ABAT: variants seen among roughly 807,000 people sequenced by gnomAD.
ABAT encodes the protein 4-aminobutyrate aminotransferase.
A neutral mutation model predicts 64.6 loss-of-function variants in ABAT; 45 were observed. That is an observed-to-expected ratio of 0.70 (90% CI 0.55 to 0.89). ABAT has a LOEUF of 0.89. Ranked by LOEUF, ABAT falls within the 40% of genes least tolerant of loss-of-function variation. ABAT has a pLI of 0.00. For synonymous variants in ABAT, 297 were observed against 250.5 expected (o/e 1.19, Z -1.75); for missense variants, 633 against 658.4 (o/e 0.96, Z 0.42).
At chr16:8,723,505 T>C (rs895141194) in intron 1 of ABAT, among the ~76,000 whole-genome samples, 5 of 152,168 alleles carry the variant, frequency 3.3e-5, no homozygotes, top group African/African-American at 1.2e-4. Context: ...GCCTCTTTCC[T>C]TGGCAACTCC....
chr16:8,737,991 G>GGAAGGAAGAAAGAAAGAAA lies in ABAT; in HGVS notation c.70+2185_70+2186insGGAAGAAAGAAAGAAAGAA. Among the ~76,000 whole-genome samples, 114 of 14,952 alleles carry GGAAGGAAGAAAGAAAGAAA rather than the reference G, an allele frequency of 7.6e-3. 27 individuals carry two copies. The highest frequency in any genetic ancestry group is 0.016 in the South Asian group (6 of 384). 9.8% of individuals were successfully genotyped at this position (14,952 alleles called of 152,430 possible). Reference sequence around the variant, plus strand: ...AAGGAAGGAAGGAAGGAAGGAAGGAGGAAAGAAAGAAAGAAAGAAAGAAAG... The same window carrying GGAAGGAAGAAAGAAAGAAA: ...AAGGAAGGAAGGAAGGAAGGAAGGAGGAAGGAAGAAAGAAAGAAAGAAAGAAAGAAAGAAAGAAAGAAAG... On this transcript the variant is annotated intron_variant, in intron 2 of 15. Transcript: ENST00000268251.
rs1354340639 is a variant in ABAT, at chr16:8,783,909, A to C, written c.*2479A>C. The C allele has an allele frequency of 6.6e-6, 1 of 152,210 alleles. No homozygotes were observed. The highest frequency in any genetic ancestry group is 1.5e-5 in the Non-Finnish European group (1 of 68,032). 9.4% of individuals were successfully genotyped at this position (152,210 alleles called of 1,614,324 possible). ...ACCAAGGGAAGTTACTTCTTGTAAA[A>C]ACTTTTAAGCCATTTATCAACAAGT... On this transcript the variant is annotated 3_prime_UTR_variant, in exon 16 of 16. Transcript: ENST00000268251.
chr16:8,700,366 C>T (rs529582121), intron 1 of ABAT, among the ~76,000 whole-genome samples: 20 of 152,132 alleles, frequency 1.3e-4, no homozygotes, highest in Non-Finnish European at 2.1e-4. Context: ...AACTTACATA[C>T]GCGGCTCCAT....
chr16:8,746,246 C>T (rs2059325414), intron 3 of ABAT, 148 bp downstream of exon 3: 11 of 719,968 alleles, frequency 1.5e-5, no homozygotes, highest in South Asian at 1.5e-4. Flanking sequence ...TCAATGAGGC[C>T]ATTTTGCCAT....
chr16:8,735,257 T>G (rs1199353069), intron 1 of ABAT, among the ~76,000 whole-genome samples: 1 of 151,408 alleles, frequency 6.6e-6, no homozygotes, highest in African/African-American at 2.4e-5. Context: ...TTTGTTTTGG[T>G]TTGGTTTTTT....
intron 1 of ABAT, among the ~76,000 whole-genome samples, chr16:8,732,538 G>A (rs2058759956): frequency 6.6e-6 from 1 of 151,536 alleles, no homozygotes; most frequent in Non-Finnish European, 1.5e-5. Flanking sequence ...GGGGTTGGGG[G>A]TAAGGTCACA....
chr16:8,748,053 C>G, intron 3 of ABAT, 55 bp from the exon 4 acceptor site: 3 of 1,546,574 alleles, frequency 1.9e-6, no homozygotes, highest in South Asian at 2.3e-5. Context: ...AGATTTTAAG[C>G]TATTTTGGCA....
At chr16:8,738,663 A>T (rs1596444655) in intron 2 of ABAT, among the ~76,000 whole-genome samples, 1 of 132,304 alleles carries the variant, frequency 7.6e-6, no homozygotes. Context: ...TGTGTCTGAG[A>T]TGGAGTCTCA....
rs138764396 is a variant in ABAT at position 8,675,151 on chromosome 16, A to G, written c.-42+440A>G. On this transcript the variant is annotated intron_variant, in intron 1 of 15. Coordinates refer to ENST00000268251, the MANE Select transcript of ABAT (RefSeq NM_020686.6). ...ATAAATTACAGTGACCTCCCCCTCC[A>G]TGACAAATGGAAGCTCTCCCCCCAT... Among the ~76,000 whole-genome samples, 150 of 151,814 alleles carry G rather than the reference A, an allele frequency of 9.9e-4. 2 individuals carry two copies. In the East Asian group the frequency reaches 0.023, roughly 23 times the overall value.
chr16:8,754,179 T>TAAAAAAAA (rs750745519), intron 5 of ABAT, among the ~76,000 whole-genome samples: 16,280 of 63,454 alleles, frequency 0.26, 3,407 homozygotes, highest in Admixed American at 0.32. Context: ...ACCCTGTCTA[T>TAAAAAAAA]AAAAAAAAAA....
intron 1 of ABAT, among the ~76,000 whole-genome samples, chr16:8,711,726 A>ATGATTGGATGGATG (rs1489993719): frequency 0.027 from 2,370 of 87,266 alleles, 57 homozygotes; most frequent in African/African-American, 0.048. Flanking sequence ...ATGGATGGGA[A>ATGATTGGATGGATG]GATGGATGGG....
intron 2 of ABAT, among the ~76,000 whole-genome samples, chr16:8,743,423 T>C (rs988123342): frequency 6.6e-5 from 3 of 45,296 alleles, no homozygotes; most frequent in East Asian, 6.3e-4. Flanking sequence ...ATGGAAACAG[T>C]TATATATATA....
chr16:8,745,986 CTT>C lies in ABAT; in HGVS notation c.71-13_71-12del. On this transcript the variant is annotated splice_polypyrimidine_tract_variant and intron_variant, in intron 2 of 15. Coordinates refer to ENST00000268251, the MANE Select transcript of ABAT (RefSeq NM_020686.6). ...GCTGTCACCAGGGATTTCTCATTGT[CTT>C]TGTTTACTGCAGGATCCAGACACAT... The C allele has an allele frequency of 6.2e-7, 1 of 1,612,284 alleles. No individual in the cohort carries two copies.
chr16:8,704,211 C>T (rs1368719215), intron 1 of ABAT, among the ~76,000 whole-genome samples: 4 of 152,204 alleles, frequency 2.6e-5, no homozygotes. Context: ...AAGCTAATGT[C>T]CTTTTTATAG....
chr16:8,778,466 T>A (rs1617601), intron 14 of ABAT, among the ~76,000 whole-genome samples: 2 of 152,100 alleles, frequency 1.3e-5, no homozygotes, highest in Non-Finnish European at 2.9e-5. Context: ...CCAGATTGTC[T>A]TCTTCTTATA....
At chr16:8,743,644 ATAT>A (rs1013108031) in intron 2 of ABAT, among the ~76,000 whole-genome samples, 65 of 48,120 alleles carry the variant, frequency 1.4e-3, no homozygotes, top group African/African-American at 4.2e-3. Context: ...TAGTTATAAT[ATAT>A]AATATATATT....
chr16:8,682,578 T>C (rs1259837531), intron 1 of ABAT, among the ~76,000 whole-genome samples: 9 of 148,706 alleles, frequency 6.1e-5, no homozygotes, highest in African/African-American at 1.5e-4. Flanking sequence ...TCTATTTCCA[T>C]GTTCTCTAGG....
intron 1 of ABAT, among the ~76,000 whole-genome samples, chr16:8,688,325 C>G (rs2057504287): frequency 6.6e-6 from 1 of 152,156 alleles, no homozygotes; most frequent in South Asian, 2.1e-4. Flanking sequence ...ACAGAGGTAG[C>G]AAGAAGTTGA....
chr16:8,761,949 C>G (rs1024286500), intron 6 of ABAT, among the ~76,000 whole-genome samples: 1 of 151,840 alleles, frequency 6.6e-6, no homozygotes, highest in Non-Finnish European at 1.5e-5. Flanking sequence ...ATTATGATTT[C>G]TTTTTTCTTC....
Sources: gnomAD v4.1 joint callset for allele counts (sites outside exome capture counted in the v4.1 genomes callset) on GRCh38, gnomAD v4.1.1 for gene constraint, MANE v1.5 for transcripts, NCBI Gene and HGNC (gene_info 2026-07-23, HGNC 2026-07-21) for gene names.